The following KIF20B variants were observed in gnomAD, a reference collection of about 807,000 sequenced individuals.
KIF20B encodes the protein kinesin family member 20B.
In KIF20B, 188 loss-of-function variants were observed where a neutral mutation model predicts 232.5. The ratio of observed to expected loss-of-function variants is 0.81; its 90% CI spans 0.72 to 0.91. The LOEUF (loss-of-function observed/expected upper bound fraction) is 0.91, where lower values mean the gene tolerates loss of function less well. KIF20B is among the 40% of genes least tolerant of loss of function. The pLI, the probability that KIF20B is intolerant of heterozygous loss-of-function variation, is 0.00. For missense variants in KIF20B, 2,154 were observed against 2,055.9 expected (o/e 1.05, Z -0.92); for synonymous variants, 712 against 683.0 (o/e 1.04, Z -0.66).
At chr10:89,702,059 G>A (rs1242356384) in intron 1 of KIF20B, among the ~76,000 whole-genome samples, 1 of 152,216 alleles carries the variant, frequency 6.6e-6, no homozygotes, top group Non-Finnish European at 1.5e-5. Context: ...CTGGCACACA[G>A]TAGGTACTAA....
intron 13 of KIF20B, among the ~76,000 whole-genome samples, chr10:89,723,051 C>T (rs1843102093): frequency 6.8e-6 from 1 of 148,012 alleles, no homozygotes; most frequent in Non-Finnish European, 1.5e-5. Context: ...TTAAACACAA[C>T]TACCATCACA....
At chr10:89,708,709 T>G (rs1034671666) in intron 2 of KIF20B, among the ~76,000 whole-genome samples, 1 of 152,202 alleles carries the variant, frequency 6.6e-6, no homozygotes, top group African/African-American at 2.4e-5. Flanking sequence ...TAAAAAAACA[T>G]TAAAACATTT....
chr10:89,758,734 A>AAGAT lies in KIF20B; in HGVS notation c.4535_4538dup (p.Ser1513ArgfsTer2). ...ATACTGACAGCCCAGCTGACAGAGA[A>AAGAT]AGATAGTGACCTTCAAAAGTGGCGA... On this transcript the variant is annotated frameshift_variant, in exon 27 of 33. Coordinates refer to ENST00000371728, the MANE Select transcript of KIF20B (RefSeq NM_001284259.2). LOFTEE classifies it high-confidence loss of function. 1 of 1,602,470 alleles carries AAGAT rather than the reference A, an allele frequency of 6.2e-7. No homozygotes were observed. The highest frequency in any genetic ancestry group is 1.1e-5 in the South Asian group (1 of 88,470).
At chr10:89,714,348 G>A (rs568928280) in intron 7 of KIF20B, among the ~76,000 whole-genome samples, 5 of 152,130 alleles carry the variant, frequency 3.3e-5, no homozygotes, top group South Asian at 2.1e-4. Context: ...GCGTGGTGGC[G>A]CGGGCCTGTA....
At chr10:89,728,874 C>T (rs1843249173) in intron 17 of KIF20B, among the ~76,000 whole-genome samples, 2 of 148,318 alleles carry the variant, frequency 1.3e-5, no homozygotes, top group African/African-American at 2.5e-5. Flanking sequence ...GCTCCAAATT[C>T]CTCTTATATG....
Position 89,763,214 on chromosome 10 carries a change from G to T in KIF20B, c.4989+379G>T, listed in dbSNP as rs188242963. Reference sequence around the variant, plus strand: ...GAGAACAACTTGAACCCAGGAAGTGGAGGTTGCAATGAGATGAGATGGCAC... The same window carrying T: ...GAGAACAACTTGAACCCAGGAAGTGTAGGTTGCAATGAGATGAGATGGCAC... On this transcript the variant is annotated intron_variant, in intron 29 of 32. Coordinates refer to ENST00000371728, the MANE Select transcript of KIF20B (RefSeq NM_001284259.2). Among the ~76,000 whole-genome samples, 128 of 152,276 alleles carry T rather than the reference G, an allele frequency of 8.4e-4. 1 individual carries two copies. The highest frequency in any genetic ancestry group is 3.0e-3 in the African/African-American group (126 of 41,562).
chr10:89,755,037 A>C (rs1842093258), intron 26 of KIF20B, among the ~76,000 whole-genome samples: 1 of 152,192 alleles, frequency 6.6e-6, no homozygotes, highest in Non-Finnish European at 1.5e-5. Flanking sequence ...AAGTCACCTA[A>C]ATAGTTTGTA....
chr10:89,757,069 T>TATATAC (rs138088478), intron 26 of KIF20B, among the ~76,000 whole-genome samples: 106 of 134,356 alleles, frequency 7.9e-4, no homozygotes, highest in South Asian at 2.4e-3. Context: ...TATATATATA[T>TATATAC]ACACACATGA....
At chr10:89,757,069 T>TATATATATATACAC (rs138088478) in intron 26 of KIF20B, among the ~76,000 whole-genome samples, 9 of 134,372 alleles carry the variant, frequency 6.7e-5, no homozygotes, top group South Asian at 4.8e-4. Flanking sequence ...TATATATATA[T>TATATATATATACAC]ACACACATGA....
intron 27 of KIF20B, among the ~76,000 whole-genome samples, chr10:89,760,013 A>G (rs932976048): frequency 3.9e-5 from 6 of 152,174 alleles, no homozygotes; most frequent in South Asian, 2.1e-4. Flanking sequence ...TGCTGCAAGA[A>G]AAGATTTAGT....
chr10:89,737,519 C>T lies in KIF20B; in HGVS notation c.2678C>T (p.Thr893Ile), dbSNP rs372813515. Residue 893 changes from threonine (T) to isoleucine (I), a missense_variant, in exon 20 of 33, where the codon ACT becomes ATT. By Grantham distance (89) the Thr-to-Ile change is moderately conservative. Transcript: ENST00000371728. ...GAAGGACTGAGAGCATTTTTACTCA[C>T]TATTGAGAATGAACTTAAAAATGAA... Reference protein sequence around the residue: ...NNEGLRAFLLTIENELKNEKE... With the variant: ...NNEGLRAFLLIIENELKNEKE... The T allele has an allele frequency of 2.0e-5, 32 of 1,609,154 alleles. No individual in the cohort carries two copies. The African/African-American group carries it at 3.1e-4, about 15-fold the overall frequency.
intron 29 of KIF20B, among the ~76,000 whole-genome samples, chr10:89,767,959 C>T (rs1842396642): frequency 6.6e-6 from 1 of 151,968 alleles, no homozygotes; most frequent in Non-Finnish European, 1.5e-5. Context: ...AAAATTCACA[C>T]CTTCAGTCAG....
rs1841705615 is a variant in KIF20B at position 89,738,154 on chromosome 10, A to G, written c.3313A>G (p.Lys1105Glu). ...GGATGAAAACAATAGACTAAAGGAG[A>G]AGGAGCATAAAAACCAAGATGACCT... ...YKDENNRLKE[K>E]EHKNQDDLLK... Residue 1105 changes from lysine (K) to glutamate (E), a missense_variant, in exon 20 of 33, where the codon AAG becomes GAG. By Grantham distance (56) the Lys-to-Glu change is moderately conservative (BLOSUM62 1). Coordinates refer to ENST00000371728, the MANE Select transcript of KIF20B (RefSeq NM_001284259.2). 6.2e-7 allele frequency: 1 copy of G among 1,609,046 alleles called. No individual in the cohort carries two copies. The highest frequency in any genetic ancestry group is 1.1e-5 in the South Asian group (1 of 90,712).
Position 89,716,480 on chromosome 10 carries a change from C to A in KIF20B, c.985C>A (p.Leu329Ile). ...ATCTGATTCCAAAGAAGCCTATAGA[C>A]TTTTAAAACTAGGAATAAAGCACCA... ...QVSDSKEAYRLLKLGIKHQSV... is the reference protein window; with the variant it reads ...QVSDSKEAYRILKLGIKHQSV... The change falls in exon 9 of 33, where the codon CTT (leucine) becomes ATT (isoleucine). Residue 329 changes from leucine to isoleucine, a missense_variant. Leu to Ile is a conservative substitution (Grantham distance 5). Coordinates refer to ENST00000371728, the MANE Select transcript of KIF20B (RefSeq NM_001284259.2). 1 of 1,589,098 alleles carries A rather than the reference C, an allele frequency of 6.3e-7. No individual in the cohort carries two copies. Among genetic ancestry groups the A allele is most frequent in the Non-Finnish European group, 8.6e-7 (1 of 1,165,132 alleles).
intron 28 of KIF20B, 110 bp from the exon 29 acceptor site, chr10:89,762,528 T>C (rs903376380): frequency 1.5e-5 from 11 of 754,122 alleles, no homozygotes; most frequent in Admixed American, 2.8e-5. Flanking sequence ...AGCACGCTTT[T>C]TGTCTTTCCC....
At chr10:89,705,579 G>A in intron 2 of KIF20B, 138 bp downstream of exon 2, 28 of 663,884 alleles carry the variant, frequency 4.2e-5, no homozygotes, top group South Asian at 1.7e-4. Flanking sequence ...TTTAAATAGT[G>A]GAAGAAAAAT....
intron 18 of KIF20B, among the ~76,000 whole-genome samples, chr10:89,731,181 G>C (rs1843310151): frequency 6.6e-6 from 1 of 152,158 alleles, no homozygotes; most frequent in African/African-American, 2.4e-5. Context: ...AAAAAGGAAA[G>C]TCAGAGACAG....
intron 15 of KIF20B, among the ~76,000 whole-genome samples, chr10:89,725,802 G>C (rs1256668796): frequency 6.6e-6 from 1 of 152,078 alleles, no homozygotes; most frequent in Admixed American, 6.6e-5. Context: ...AGCTGAAATT[G>C]ATCAGTTTTT....
rs548204838 is a variant in KIF20B, at chr10:89,710,835, G to A, written c.491-126G>A. On this transcript the variant is annotated intron_variant, in intron 5 of 32. Transcript: ENST00000371728. ...GTGATGGAAAACTGAGTAATCCTTA[G>A]CTATCATTTCCGTTTCAGTTGTTGA... 36 of 606,452 alleles carry A rather than the reference G, an allele frequency of 5.9e-5. No homozygotes were observed. In the African/African-American group the frequency reaches 6.1e-4, roughly 10 times the overall value. 37.6% of individuals were successfully genotyped at this position (606,452 alleles called of 1,614,324 possible).
Sources: allele counts gnomAD v4.1 joint callset (sites outside exome capture counted in the v4.1 genomes callset), GRCh38; gene constraint gnomAD v4.1.1; transcripts MANE v1.5; gene names NCBI Gene and HGNC (gene_info 2026-07-23, HGNC 2026-07-21).